TAF7L: variants seen among roughly 807,000 people sequenced by gnomAD.
TAF7L encodes TATA-box binding protein associated factor 7 like, also known as transcription initiation factor TFIID subunit 7-like.
TAF7L carries 6 observed loss-of-function variants against 30.2 expected under a neutral mutation model. That is an observed-to-expected ratio of 0.20 (90% CI 0.11 to 0.39). The LOEUF (loss-of-function observed/expected upper bound fraction) is 0.39, where lower values mean the gene tolerates loss of function less well. Ranked by LOEUF, TAF7L falls within the 10% of genes least tolerant of loss-of-function variation. The pLI is 1.00. For synonymous variants in TAF7L, 93 were observed against 94.5 expected (o/e 0.98, Z 0.09); for missense variants, 284 against 277.1 (o/e 1.03, Z -0.18).
At chrX:101,270,992 CCAGT>C (rs1473480659) in intron 12 of TAF7L, among the ~76,000 whole-genome samples, 1 of 111,269 alleles carries the variant, frequency 9.0e-6, no homozygotes, top group African/African-American at 3.3e-5. Context: ...TTTTAAGGCC[CCAGT>C]CAAACACCAT....
At chrX:101,283,675 T>C in intron 3 of TAF7L, 92 bp from the exon 4 acceptor site, 1 of 973,708 alleles carries the variant, frequency 1.0e-6, no homozygotes, top group Non-Finnish European at 1.4e-6. Context: ...TGGGACAGAT[T>C]AGTCTTTCCA....
At chrX:101,282,033 C>T (rs892598651) in intron 5 of TAF7L, among the ~76,000 whole-genome samples, 2 of 109,297 alleles carry the variant, frequency 1.8e-5, no homozygotes, top group African/African-American at 6.7e-5. Flanking sequence ...TTACAGGTGC[C>T]CGCCACCACA....
In TAF7L at chrX:101,287,357, G is replaced by C. The variant is rs753411572; in HGVS notation, c.66+121C>G. 282 of 594,013 alleles carry C rather than the reference G, an allele frequency of 4.7e-4. 2 individuals carry two copies. In the South Asian group the frequency reaches 8.9e-3, roughly 19 times the overall value. The allele number at this position is 594,013 out of a possible 1,213,427, so 49.0% of individuals were successfully genotyped here. A position where few individuals can be genotyped will look rare whatever the true frequency, so the allele number is the denominator to read the frequency against. ...CTGCTTAACAGAACATGATTCCTGG[G>C]AAACAAATGTTCTGAGTTTTTATAG... On this transcript the variant is annotated intron_variant, in intron 2 of 12. Coordinates refer to ENST00000356784, the MANE Select transcript of TAF7L (RefSeq NM_001168474.2).
At chrX:101,274,454 G>A (rs1049749952) in intron 12 of TAF7L, among the ~76,000 whole-genome samples, 2 of 111,034 alleles carry the variant, frequency 1.8e-5, no homozygotes, top group East Asian at 2.8e-4. Flanking sequence ...CAATCCTCTC[G>A]CGTCGGCCTC....
chrX:101,268,349 G>GAAGT lies in TAF7L; in HGVS notation c.*840_*843dup, dbSNP rs1261595111. On this transcript the variant is annotated 3_prime_UTR_variant, in exon 13 of 13. Transcript: ENST00000356784. ...AAAAAACCCAAACAAGATTGTTAAA[G>GAAGT]AAGTCTTCATAGGCATTATGGCATC... 1 of 112,132 alleles carries GAAGT rather than the reference G, an allele frequency of 8.9e-6. No individual in the cohort carries two copies. Among genetic ancestry groups the GAAGT allele is most frequent in the Non-Finnish European group, 1.9e-5 (1 of 53,260 alleles). The allele number at this position is 112,132 out of a possible 1,213,427, so 9.2% of individuals were successfully genotyped here. A position where few individuals can be genotyped will look rare whatever the true frequency, so the allele number is the denominator to read the frequency against.
chrX:101,276,307 C>G lies in TAF7L; in HGVS notation c.913G>C (p.Val305Leu). The G allele has an allele frequency of 8.3e-7, 1 of 1,211,204 alleles. No individual in the cohort carries two copies. The highest frequency in any genetic ancestry group is 1.1e-6 in the Non-Finnish European group (1 of 895,301). The part of the protein sequence containing the change: ...YRANEGTSSI[V>L]MEIQKQIEKK... ...CATCCCTTTGTTTTTTCTGACTTAC[C>G]TATTGAACTGGTACCTTCATTTGCC... The change falls in exon 10 of 13, where the codon GTC becomes CTC. Residue 305 changes from valine (V) to leucine (L), a missense_variant and splice_region_variant. By Grantham distance (32) the Val-to-Leu change is conservative (BLOSUM62 1). Coordinates refer to ENST00000356784, the MANE Select transcript of TAF7L (RefSeq NM_001168474.2).
At chrX:101,278,005 T>TG (rs1924272857) in intron 8 of TAF7L, 44 bp downstream of exon 8, 2 of 1,125,758 alleles carry the variant, frequency 1.8e-6, no homozygotes, top group South Asian at 1.8e-5. Context: ...CATGTACAAA[T>TG]GGGGCAGAAC....
chrX:101,274,398 C>T (rs1924088392), intron 12 of TAF7L, among the ~76,000 whole-genome samples: 1 of 110,082 alleles, frequency 9.1e-6, no homozygotes, highest in Admixed American at 9.8e-5. Flanking sequence ...GTACAGTCAG[C>T]GTTTCACCAT....
chrX:101,285,868 C>A (rs756848337), intron 3 of TAF7L, among the ~76,000 whole-genome samples: 3 of 111,487 alleles, frequency 2.7e-5, no homozygotes, highest in Non-Finnish European at 5.6e-5. Context: ...GCCAATATAA[C>A]AAATATTATT....
rs375212821 is a variant in TAF7L at position 101,283,492 on chromosome X, C to T, written c.237G>A (p.Thr79=). 10 of 1,209,724 alleles carry T rather than the reference C, an allele frequency of 8.3e-6. No homozygotes were observed. The highest frequency in any genetic ancestry group is 7.0e-5 in the African/African-American group (4 of 57,375). ...TTTTATAAAAGGTTTTTTTATCAAGCGTTCTCAGGCTTTCAATAACACAAG... is the reference window on the plus strand; with the variant it reads ...TTTTATAAAAGGTTTTTTTATCAAGTGTTCTCAGGCTTTCAATAACACAAG... The part of the protein sequence containing the change: ...DLPCVIESLR[T]LDKKTFYKTA... Residue 79 remains threonine, a synonymous_variant, in exon 4 of 13, where the codon ACG becomes ACA. Transcript: ENST00000356784.
chrX:101,285,497 C>CAAAAAA (rs768979097), intron 3 of TAF7L, among the ~76,000 whole-genome samples: 1 of 23,136 alleles, frequency 4.3e-5, no homozygotes, highest in East Asian at 1.9e-3. Context: ...GACTCCATCT[C>CAAAAAA]AAAAAAAAAA....
At chrX:101,286,791 G>A in intron 2 of TAF7L, 138 bp from the exon 3 acceptor site, 1 of 447,334 alleles carries the variant, frequency 2.2e-6, no homozygotes, top group Non-Finnish European at 3.8e-6. Context: ...CATGTACCAT[G>A]AGATACTGTG....
intron 2 of TAF7L, 94 bp downstream of exon 2, chrX:101,287,384 C>T (rs1924639239): frequency 2.9e-6 from 2 of 700,849 alleles, no homozygotes; most frequent in Middle Eastern, 4.8e-4. Flanking sequence ...TTTTTATAGC[C>T]TACCTGAAAT....
At chrX:101,284,608 G>A (rs1924518096) in intron 3 of TAF7L, among the ~76,000 whole-genome samples, 2 of 111,346 alleles carry the variant, frequency 1.8e-5, no homozygotes, top group East Asian at 5.6e-4. Context: ...CAAGTGATCC[G>A]CCCGCCTCAG....
chrX:101,279,971 A>AAC (rs1924347843), intron 6 of TAF7L, among the ~76,000 whole-genome samples: 1 of 107,367 alleles, frequency 9.3e-6, no homozygotes, highest in Middle Eastern at 4.3e-3. Context: ...ACAACAACAA[A>AAC]AAAAAAACCT....
intron 8 of TAF7L, 144 bp from the exon 9 acceptor site, chrX:101,277,863 C>T: frequency 1.9e-6 from 1 of 537,744 alleles, no homozygotes; most frequent in Admixed American, 3.6e-5. Flanking sequence ...TGGAGAAGTG[C>T]CTCATATTGA....
At chrX:101,282,764 G>T (rs1002417398) in intron 4 of TAF7L, among the ~76,000 whole-genome samples, 2 of 110,313 alleles carry the variant, frequency 1.8e-5, no homozygotes, top group African/African-American at 6.6e-5. Context: ...ACTTAGCTTA[G>T]GTTTTTTGTT....
At chrX:101,292,723 C>T, upstream of TAF7L, 1 of 1,166,689 alleles carries the variant, frequency 8.6e-7, no homozygotes, top group African/African-American at 1.8e-5. Context: ...TTGAATCGAA[C>T]TAAAAGCAGT....
At position 101,269,070 on chromosome X, in the gene TAF7L, G is replaced by A. The variant is rs1354870029; in HGVS notation, c.*123C>T. On this transcript the variant is annotated 3_prime_UTR_variant, in exon 13 of 13. Coordinates refer to ENST00000356784, the MANE Select transcript of TAF7L (RefSeq NM_001168474.2). ...TGAGCATATTTTAAGTAGCAAAGAA[G>A]GTACAGATAAATATAACTGATTCAA... 1 of 543,570 alleles carries A rather than the reference G, an allele frequency of 1.8e-6. No homozygotes were observed. Among genetic ancestry groups the A allele is most frequent in the Non-Finnish European group, 3.0e-6 (1 of 336,289 alleles). 44.8% of individuals were successfully genotyped at this position (543,570 alleles called of 1,213,427 possible).
Sources: allele counts gnomAD v4.1 joint callset (sites outside exome capture counted in the v4.1 genomes callset), GRCh38; gene constraint gnomAD v4.1.1; transcripts MANE v1.5; gene names NCBI Gene and HGNC (gene_info 2026-07-23, HGNC 2026-07-21).